Variants in EPHA5 observed in about 807,000 individuals in gnomAD.
EPHA5 encodes ephrin type-A receptor 5.
A neutral mutation model predicts 105.0 loss-of-function variants in EPHA5; 60 were observed. The ratio of observed to expected loss-of-function variants is 0.57; its 90% CI spans 0.46 to 0.71. The LOEUF (loss-of-function observed/expected upper bound fraction) is 0.71. Ranked by LOEUF, EPHA5 falls within the 30% of genes least tolerant of loss-of-function variation. The pLI, the probability that EPHA5 is intolerant of heterozygous loss-of-function variation, is 0.00. For synonymous variants in EPHA5, 513 were observed against 449.1 expected, an observed-to-expected ratio of 1.14 and a Z score of -1.80; for missense variants, 1,218 against 1,274.7, an observed-to-expected ratio of 0.96 and a Z score of 0.68.
chr4:65,636,603 A>G (rs993211189), intron 2 of EPHA5, among the ~76,000 whole-genome samples: 9 of 152,080 alleles, frequency 5.9e-5, no homozygotes, highest in Non-Finnish European at 1.3e-4. Context: ...GTATATTTAT[A>G]TACTGAAAGT....
chr4:65,582,529 T>A (rs1024748796), intron 3 of EPHA5, among the ~76,000 whole-genome samples: 10 of 149,674 alleles, frequency 6.7e-5, no homozygotes, highest in Admixed American at 1.3e-4. Flanking sequence ...TATGAAAAAA[T>A]TATGGGCAAA....
rs150345635 is a variant in EPHA5 at position 65,530,145 on chromosome 4, C to T, written c.911-34602G>A. ...ATAGGATTATTACATTTAGTTCAAA[C>T]TATTTTGGGGAGGAAACTCAAGAAC... On this transcript the variant is annotated intron_variant, in intron 3 of 16. Coordinates refer to ENST00000613740, the MANE Select transcript of EPHA5 (RefSeq NM_001281766.3). Among the ~76,000 whole-genome samples, 570 of 152,096 alleles carry T rather than the reference C, an allele frequency of 3.7e-3. 5 individuals carry two copies. The highest frequency in any genetic ancestry group is 4.1e-3 in the Non-Finnish European group (279 of 67,962).
chr4:65,558,964 C>T (rs930445464), intron 3 of EPHA5, among the ~76,000 whole-genome samples: 2 of 152,078 alleles, frequency 1.3e-5, no homozygotes, highest in African/African-American at 4.8e-5. Context: ...TAGTACCCAA[C>T]AGATAGTTTT....
chr4:65,334,783 AAATT>A (rs1370909702), intron 15 of EPHA5, among the ~76,000 whole-genome samples: 1 of 151,514 alleles, frequency 6.6e-6, no homozygotes, highest in Non-Finnish European at 1.5e-5. Flanking sequence ...ATGCCTATAT[AAATT>A]AATATAATTT....
intron 8 of EPHA5, among the ~76,000 whole-genome samples, chr4:65,370,761 A>T (rs1427008292): frequency 6.6e-6 from 1 of 152,148 alleles, no homozygotes; most frequent in Admixed American, 6.6e-5. Context: ...GGGCAATTGA[A>T]AGGAGTTATT....
At chr4:65,660,842 T>A (rs555137663) in intron 1 of EPHA5, among the ~76,000 whole-genome samples, 1 of 152,240 alleles carries the variant, frequency 6.6e-6, no homozygotes, top group East Asian at 1.9e-4. Context: ...ATAAAATCCA[T>A]ATTTCTGTTA....
intron 13 of EPHA5, among the ~76,000 whole-genome samples, chr4:65,351,063 G>C (rs1215697847): frequency 6.6e-6 from 1 of 151,638 alleles, no homozygotes; most frequent in Non-Finnish European, 1.5e-5. Context: ...TTTAATGTAG[G>C]AGATTCTGTA....
chr4:65,560,822 A>G (rs1279035565), intron 3 of EPHA5, among the ~76,000 whole-genome samples: 2 of 152,130 alleles, frequency 1.3e-5, no homozygotes, highest in East Asian at 3.9e-4. Flanking sequence ...ATAATATAGA[A>G]TATAGATTTT....
chr4:65,650,320 G>A (rs1272300559), intron 1 of EPHA5, among the ~76,000 whole-genome samples: 1 of 151,700 alleles, frequency 6.6e-6, no homozygotes, highest in Non-Finnish European at 1.5e-5. Context: ...GGCCGAGGCG[G>A]GCAGATCACG....
intron 13 of EPHA5, among the ~76,000 whole-genome samples, chr4:65,349,186 T>C (rs1722583631): frequency 6.6e-6 from 1 of 152,080 alleles, no homozygotes; most frequent in Non-Finnish European, 1.5e-5. Context: ...GACTTGCTTT[T>C]CTCTTTTCCT....
chr4:65,443,547 C>T (rs1726215827), intron 5 of EPHA5, among the ~76,000 whole-genome samples: 1 of 151,984 alleles, frequency 6.6e-6, no homozygotes, highest in Admixed American at 6.6e-5. Flanking sequence ...AGAAGCCTGG[C>T]TGAAGCTACC....
chr4:65,556,464 G>A (rs1450195555), intron 3 of EPHA5, among the ~76,000 whole-genome samples: 2 of 152,038 alleles, frequency 1.3e-5, no homozygotes, highest in African/African-American at 4.8e-5. Flanking sequence ...GGGTAAAAAA[G>A]ATATATGGAA....
intron 3 of EPHA5, among the ~76,000 whole-genome samples, chr4:65,542,601 G>C (rs1736951376): frequency 6.6e-6 from 1 of 151,330 alleles, no homozygotes; most frequent in Non-Finnish European, 1.5e-5. Context: ...ACCAAAGAAA[G>C]CCAGAACCTG....
intron 3 of EPHA5, among the ~76,000 whole-genome samples, chr4:65,524,430 A>C (rs1352193722): frequency 2.0e-5 from 3 of 151,776 alleles, no homozygotes; most frequent in Non-Finnish European, 4.4e-5. Context: ...TAGTCTGTAC[A>C]TTTACATACC....
chr4:65,401,918 A>AGAGAGAGAGAGAGAGAGG (rs1721873254), intron 8 of EPHA5, among the ~76,000 whole-genome samples: 1 of 151,782 alleles, frequency 6.6e-6, no homozygotes, highest in Non-Finnish European at 1.5e-5. Context: ...AGAGAGAGAG[A>AGAGAGAGAGAGAGAGAGG]GAGAGAGAGA....
At chr4:65,611,266 C>T (rs13112419) in intron 2 of EPHA5, among the ~76,000 whole-genome samples, 46,536 of 151,732 alleles carry the variant, frequency 0.31, 7,279 homozygotes, top group Non-Finnish European at 0.33. Flanking sequence ...CAATATATTT[C>T]GGTATATTCT....
At chr4:65,526,381 T>C (rs1324260371) in intron 3 of EPHA5, among the ~76,000 whole-genome samples, 1 of 151,862 alleles carries the variant, frequency 6.6e-6, no homozygotes, top group Non-Finnish European at 1.5e-5. Flanking sequence ...GCACAAAACA[T>C]TGTGTGAAAA....
At chr4:65,660,117 A>T (rs1749431822) in intron 1 of EPHA5, among the ~76,000 whole-genome samples, 1 of 152,140 alleles carries the variant, frequency 6.6e-6, no homozygotes, top group Non-Finnish European at 1.5e-5. Flanking sequence ...CTATTATTAT[A>T]GGACTAAATA....
At chr4:65,615,055 T>C (rs1468806033) in intron 2 of EPHA5, among the ~76,000 whole-genome samples, 1 of 151,772 alleles carries the variant, frequency 6.6e-6, no homozygotes, top group Non-Finnish European at 1.5e-5. Flanking sequence ...AAGAATGCAA[T>C]TATGCTAAAT....
Sources: gnomAD v4.1 joint callset for allele counts (sites outside exome capture counted in the v4.1 genomes callset) on GRCh38, gnomAD v4.1.1 for gene constraint, MANE v1.5 for transcripts, NCBI Gene and HGNC (gene_info 2026-07-23, HGNC 2026-07-21) for gene names.